BOC: variants seen among roughly 807,000 people sequenced by gnomAD.
BOC encodes the protein brother of CDO.
BOC carries 76 observed loss-of-function variants against 112.0 expected under a neutral mutation model. That is an observed-to-expected ratio of 0.68 (90% confidence interval 0.56 to 0.82). The LOEUF (loss-of-function observed/expected upper bound fraction) is 0.82. BOC is among the 40% of genes least tolerant of loss of function. The probability of loss-of-function intolerance (pLI) is 0.00; values close to 1 mark genes in which losing one functional copy is unlikely to be tolerated. For synonymous variants in BOC, 580 were observed against 599.8 expected (o/e 0.97, Z 0.48); for missense variants, 1,309 against 1,511.7 (o/e 0.87, Z 2.22).
At chr3:113,251,129 A>G in intron 4 of BOC, 1 of 582,950 alleles carries the variant, frequency 1.7e-6, no homozygotes, top group South Asian at 2.2e-5. Flanking sequence ...TGGGCCCCAG[A>G]GCAGGGCCGT....
Position 113,274,474 on chromosome 3 carries a change from A to G in BOC, c.1334A>G (p.Gln445Arg). Residue 445 changes from glutamine to arginine, a missense_variant, in exon 9 of 20, where the codon CAA (glutamine) becomes CGA (arginine). Gln to Arg is a conservative substitution (Grantham distance 43). Transcript: ENST00000682979. The surrounding 1 kb of genome is among the most constrained non-coding windows in gnomAD (Gnocchi z 4.8). ...AACCCTGAGCAGATGCTGAGGGGGC[A>G]ACCGGCGCTCCCCAGACCCCCAACG... ...LGNPEQMLRGQPALPRPPTSV... is the reference protein window; with the variant it reads ...LGNPEQMLRGRPALPRPPTSV... 1 of 1,611,510 alleles carries G rather than the reference A, an allele frequency of 6.2e-7. No individual in the cohort carries two copies. The highest frequency in any genetic ancestry group is 8.5e-7 in the Non-Finnish European group (1 of 1,178,362).
At chr3:113,281,292 A>C (rs1323341510) in intron 15 of BOC, 139 bp downstream of exon 15, 1 of 1,047,118 alleles carries the variant, frequency 9.6e-7, no homozygotes, top group Non-Finnish European at 1.4e-6. Flanking sequence ...AGACTTGGTC[A>C]TGTTTCACTC....
chr3:113,286,626 C>A, intron 19 of BOC, 49 bp from the exon 20 acceptor site: 1 of 1,447,314 alleles, frequency 6.9e-7, no homozygotes, highest in South Asian at 1.5e-5. Context: ...TGGGTGTTGG[C>A]TCCTCGGTCA....
In BOC at chr3:113,250,824, A is replaced by G. The variant is rs1945527269; in HGVS notation, c.367A>G (p.Thr123Ala). 1 of 1,613,250 alleles carries G rather than the reference A, an allele frequency of 6.2e-7. No homozygotes were observed. Among genetic ancestry groups the G allele is most frequent in the Non-Finnish European group, 8.5e-7 (1 of 1,180,010 alleles). ...TGTGGCCAGCGTGCCAGCCACTGTGACACTAGCCAGTGAGTCTGCTCCTTT... is the reference window on the plus strand; with the variant it reads ...TGTGGCCAGCGTGCCAGCCACTGTGGCACTAGCCAGTGAGTCTGCTCCTTT... ...GAVASVPATV[T>A]LANLQDFKLD... Residue 123 changes from threonine to alanine, a missense_variant, in exon 4 of 20, where the codon ACA becomes GCA. Thr to Ala is a moderately conservative substitution (Grantham distance 58). Transcript: ENST00000682979.
intron 4 of BOC, among the ~76,000 whole-genome samples, chr3:113,257,220 C>G (rs1946323081): frequency 6.6e-6 from 1 of 152,194 alleles, no homozygotes; most frequent in Non-Finnish European, 1.5e-5. Flanking sequence ...TCCACGCTGC[C>G]AGGACAATGG....
chr3:113,260,656 T>TTAGGA (rs1257772857), intron 4 of BOC, among the ~76,000 whole-genome samples: 22 of 104,398 alleles, frequency 2.1e-4, no homozygotes, highest in Admixed American at 5.6e-4. Flanking sequence ...TTAGATTCTA[T>TTAGGA]TAGAATAGAA....
chr3:113,213,696 C>T (rs1014365696), intron 1 of BOC, among the ~76,000 whole-genome samples: 1 of 152,166 alleles, frequency 6.6e-6, no homozygotes, highest in Non-Finnish European at 1.5e-5. Flanking sequence ...TTAATGGTCT[C>T]ATAATTGAGA....
At chr3:113,249,528 G>A (rs541121452) in intron 2 of BOC, among the ~76,000 whole-genome samples, 194 bp from the exon 3 acceptor site, 14 of 152,296 alleles carry the variant, frequency 9.2e-5, no homozygotes, top group African/African-American at 2.9e-4. Context: ...GCCCTAGGGG[G>A]CAACTTATAA....
chr3:113,279,635 A>G lies in BOC; in HGVS notation c.2023+180A>G, dbSNP rs887642779. 29 of 804,086 alleles carry G rather than the reference A, an allele frequency of 3.6e-5. 1 individual carries two copies. Among genetic ancestry groups the G allele is most frequent in the Non-Finnish European group, 5.2e-5 (27 of 517,388 alleles). The allele number at this position is 804,086 out of a possible 1,614,324, so 49.8% of individuals were successfully genotyped here. A position where few individuals can be genotyped will look rare whatever the true frequency, so the allele number is the denominator to read the frequency against. On this transcript the variant is annotated intron_variant, in intron 12 of 19. Coordinates refer to ENST00000682979, the MANE Select transcript of BOC (RefSeq NM_001378074.1). Reference sequence around the variant, plus strand: ...CTAAAGCCTTCTGCCTCCCTCCAGAAGAGCATCCAGAGCCATCTCCCCTGC... The same window carrying G: ...CTAAAGCCTTCTGCCTCCCTCCAGAGGAGCATCCAGAGCCATCTCCCCTGC...
rs1259963107 is a variant in BOC at position 113,285,515 on chromosome 3, C to G, written c.3110C>G (p.Ala1037Gly). 2 of 1,612,100 alleles carry G rather than the reference C, an allele frequency of 1.2e-6. No individual in the cohort carries two copies. The highest frequency in any genetic ancestry group is 3.3e-5 in the Admixed American group (2 of 59,892). ...AAVGQSGVRR[A>G]PDSPVLEAVW... ...GTGGGCCAGTCAGGGGTGAGGAGAG[C>G]CCCCGACAGTCCTGTCCTGGAAGCA... Residue 1037 changes from alanine to glycine, a missense_variant, in exon 19 of 20, where the codon GCC (alanine) becomes GGC (glycine). Transcript: ENST00000682979.
At chr3:113,265,048 C>A (rs1347287658) in intron 4 of BOC, among the ~76,000 whole-genome samples, 1 of 152,206 alleles carries the variant, frequency 6.6e-6, no homozygotes, top group Non-Finnish European at 1.5e-5. Context: ...TCCCCCACTG[C>A]ACAGCCTTCT....
At chr3:113,257,613 T>C (rs1004207038) in intron 4 of BOC, among the ~76,000 whole-genome samples, 2 of 143,252 alleles carry the variant, frequency 1.4e-5, no homozygotes, top group African/African-American at 3.0e-5. Flanking sequence ...GTGGAGAGGA[T>C]GAGAGAAGAA....
At position 113,274,495 on chromosome 3, in the gene BOC, C is replaced by T; in HGVS notation, c.1355C>T (p.Pro452Leu). 6.2e-7 allele frequency: 1 copy of T among 1,612,698 alleles called. No individual in the cohort carries two copies. The highest frequency in any genetic ancestry group is 2.2e-5 in the East Asian group (1 of 44,856). Residue 452 changes from proline (P) to leucine (L), a missense_variant, in exon 9 of 20, where the codon CCA becomes CTA. By Grantham distance (98) the Pro-to-Leu change is moderately conservative (BLOSUM62 -3). Transcript: ENST00000682979. This position sits in a 1 kb window ranked among gnomAD's most constrained non-coding sequence, Gnocchi z 4.8. ...LRGQPALPRP[P>L]TSVGPASPQC... ...GGGCAACCGGCGCTCCCCAGACCCC[C>T]AACGTCAGTGGGGCCTGCTTCCCCG... is the stretch of plus-strand genomic sequence containing the variant.
chr3:113,237,413 C>T (rs1177573021), intron 2 of BOC, among the ~76,000 whole-genome samples: 1 of 152,124 alleles, frequency 6.6e-6, no homozygotes, highest in African/African-American at 2.4e-5. Context: ...CTTTGCCTGC[C>T]TTCTTCTACC....
chr3:113,234,651 G>A (rs1465977362), intron 2 of BOC, among the ~76,000 whole-genome samples: 1 of 152,192 alleles, frequency 6.6e-6, no homozygotes, highest in Non-Finnish European at 1.5e-5. Context: ...GTGGCACCTA[G>A]AGGGTGCTTA....
chr3:113,283,668 G>T, intron 16 of BOC, 36 bp downstream of exon 16: 1 of 1,590,742 alleles, frequency 6.3e-7, no homozygotes. Context: ...AGGATCCTGG[G>T]TGGGAAATGG....
In BOC at chr3:113,274,709, C is replaced by T. The variant is rs749526603; in HGVS notation, c.1542+27C>T. 6.4e-6 allele frequency: 10 copies of T among 1,551,610 alleles called. No homozygotes were observed. Among genetic ancestry groups the T allele is most frequent in the African/African-American group, 1.4e-5 (1 of 73,750 alleles). ...TATGGCCCTGGTGTGGGGCTGCTGC[C>T]TCCCCTGCACAGCCTTTCCAGCAAG... On this transcript the variant is annotated intron_variant, in intron 9 of 19. Coordinates refer to ENST00000682979, the MANE Select transcript of BOC (RefSeq NM_001378074.1). This position sits in a 1 kb window ranked among gnomAD's most constrained non-coding sequence, Gnocchi z 4.8.
intron 2 of BOC, among the ~76,000 whole-genome samples, chr3:113,221,421 G>A (rs1315291696): frequency 1.3e-5 from 2 of 152,170 alleles, no homozygotes; most frequent in Non-Finnish European, 2.9e-5. Flanking sequence ...TGCACCGTTC[G>A]ATGCCAGTCC....
At chr3:113,237,638 A>G (rs1943743121) in intron 2 of BOC, among the ~76,000 whole-genome samples, 1 of 152,224 alleles carries the variant, frequency 6.6e-6, no homozygotes. Context: ...TTCTGTCCTT[A>G]AAGTGCTTAG....
Sources: allele counts gnomAD v4.1 joint callset (sites outside exome capture counted in the v4.1 genomes callset), GRCh38; gene constraint gnomAD v4.1.1; non-coding constraint Gnocchi (gnomAD v3.1); transcripts MANE v1.5; gene names NCBI Gene and HGNC (gene_info 2026-07-23, HGNC 2026-07-21).